Variants in BMP6 observed in about 807,000 individuals in gnomAD.
BMP6 encodes the protein bone morphogenetic protein 6.
BMP6 carries 17 observed loss-of-function variants against 54.1 expected under a neutral mutation model. That is an observed-to-expected ratio of 0.31 (90% CI 0.22 to 0.47). BMP6 has a LOEUF of 0.47. Ranked by LOEUF, BMP6 falls within the 20% of genes least tolerant of loss-of-function variation. BMP6 has a pLI of 1.00. For missense variants in BMP6, 720 were observed against 690.4 expected, an observed-to-expected ratio of 1.04 and a Z score of -0.48; for synonymous variants, 328 against 291.2, an observed-to-expected ratio of 1.13 and a Z score of -1.28.
At chr6:7,733,539 C>T in intron 1 of BMP6, among the ~76,000 whole-genome samples, 1 of 152,202 alleles carries the variant, frequency 6.6e-6, no homozygotes, top group Non-Finnish European at 1.5e-5. Flanking sequence ...ATAACCCAGC[C>T]ATGTGCCCAG....
chr6:7,860,902 AT>A (rs1021962562), intron 2 of BMP6, among the ~76,000 whole-genome samples: 1 of 152,132 alleles, frequency 6.6e-6, no homozygotes, highest in Non-Finnish European at 1.5e-5. Context: ...ATGGATCCTG[AT>A]TTTTATCTTT....
intron 1 of BMP6, among the ~76,000 whole-genome samples, chr6:7,746,715 C>A (rs747298945): frequency 2.6e-5 from 4 of 152,192 alleles, no homozygotes; most frequent in African/African-American, 9.7e-5. Context: ...TTCCTCCTTA[C>A]AATTAAAAAC....
At chr6:7,867,838 C>T (rs114760523) in intron 4 of BMP6, among the ~76,000 whole-genome samples, 158 of 152,300 alleles carry the variant, frequency 1.0e-3, no homozygotes, top group Non-Finnish European at 1.1e-3. Flanking sequence ...AACTCTTGTT[C>T]GAGGATAATG....
At chr6:7,857,500 C>T (rs115177717) in intron 2 of BMP6, among the ~76,000 whole-genome samples, 4 of 152,190 alleles carry the variant, frequency 2.6e-5, no homozygotes, top group Non-Finnish European at 4.4e-5. Flanking sequence ...GGTTTGCCAC[C>T]TTGAGAGTAT....
At chr6:7,843,278 AAAG>A (rs1235140409) in intron 1 of BMP6, among the ~76,000 whole-genome samples, 1 of 150,612 alleles carries the variant, frequency 6.6e-6, no homozygotes, top group Non-Finnish European at 1.5e-5. Flanking sequence ...TAAAAAAAAA[AAAG>A]AACTCGAATC....
At chr6:7,843,400 A>C (rs2113252440) in intron 1 of BMP6, among the ~76,000 whole-genome samples, 1 of 151,014 alleles carries the variant, frequency 6.6e-6, no homozygotes, top group South Asian at 2.1e-4. Flanking sequence ...GAGGACTTAG[A>C]TTCTTCTGGG....
At chr6:7,827,300 C>T (rs182575832) in intron 1 of BMP6, among the ~76,000 whole-genome samples, 20 of 152,268 alleles carry the variant, frequency 1.3e-4, no homozygotes, top group African/African-American at 2.9e-4. Context: ...GGACTGAATC[C>T]GGAGGCAAAT....
In BMP6 at chr6:7,764,066, G is replaced by T. The variant is rs911186804; in HGVS notation, c.664+36447G>T. Among the ~76,000 whole-genome samples, 31 of 152,226 alleles carry T rather than the reference G, an allele frequency of 2.0e-4. 1 individual carries two copies. Among genetic ancestry groups the T allele is most frequent in the African/African-American group, 7.2e-4 (30 of 41,460 alleles). ...ATGCCCTGCCAGTGAGAGCGCAGCA[G>T]GGGAGAGTTGTTCCAGGGCTTGGGA... On this transcript the variant is annotated intron_variant, in intron 1 of 6. Transcript: ENST00000283147.
chr6:7,814,214 C>T (rs1028868884), intron 1 of BMP6, among the ~76,000 whole-genome samples: 1 of 152,220 alleles, frequency 6.6e-6, no homozygotes, highest in Admixed American at 6.5e-5. Flanking sequence ...GGCAATCTCC[C>T]TTCTGATTGT....
intron 1 of BMP6, among the ~76,000 whole-genome samples, chr6:7,738,369 A>C (rs1269816724): frequency 6.6e-6 from 1 of 152,122 alleles, no homozygotes; most frequent in Non-Finnish European, 1.5e-5. Flanking sequence ...CTGCGTTTCC[A>C]GCTGCTCTGC....
Position 7,727,311 on chromosome 6 carries a change from T to TGCC in BMP6, c.357_359dup (p.Pro120dup), listed in dbSNP as rs1173720879. 6.2e-7 allele frequency: 1 copy of TGCC among 1,604,034 alleles called. No individual in the cohort carries two copies. The highest frequency in any genetic ancestry group is 1.3e-5 in the African/African-American group (1 of 74,368). ...GAGGAGCAGCAGCAGCAGCAGCAGC[T>TGCC]GCCTCGCGGAGAGCCCCCTCCCGGG... On this transcript the variant is annotated inframe_insertion, in exon 1 of 7. Coordinates refer to ENST00000283147, the MANE Select transcript of BMP6 (RefSeq NM_001718.6).
chr6:7,853,453 G>A (rs1357725306), intron 2 of BMP6, among the ~76,000 whole-genome samples: 1 of 152,132 alleles, frequency 6.6e-6, no homozygotes, highest in East Asian at 1.9e-4. Flanking sequence ...CATTACCTAT[G>A]GACTGATTGC....
At chr6:7,751,135 G>A (rs1054900256) in intron 1 of BMP6, among the ~76,000 whole-genome samples, 26 of 152,156 alleles carry the variant, frequency 1.7e-4, no homozygotes, top group African/African-American at 6.3e-4. Flanking sequence ...ATATTTAGGT[G>A]GAAGCCAACA....
chr6:7,825,181 A>G (rs1427889486), intron 1 of BMP6, among the ~76,000 whole-genome samples: 1 of 151,712 alleles, frequency 6.6e-6, no homozygotes, highest in Non-Finnish European at 1.5e-5. Flanking sequence ...CTAGCTGGGT[A>G]TGGTGGCACA....
chr6:7,879,288 T>TC, intron 5 of BMP6, 138 bp downstream of exon 5: 2 of 880,404 alleles, frequency 2.3e-6, no homozygotes, highest in Non-Finnish European at 1.8e-6. Context: ...TGAGGAGCCC[T>TC]CCCAAATGCT....
At chr6:7,767,058 T>C (rs995463738) in intron 1 of BMP6, among the ~76,000 whole-genome samples, 4 of 151,402 alleles carry the variant, frequency 2.6e-5, no homozygotes, top group African/African-American at 4.9e-5. Flanking sequence ...GCGATCTCGG[T>C]GCACTGCAAG....
Position 7,861,560 on chromosome 6 carries a change from C to T in BMP6, c.967C>T (p.His323Tyr). The change falls in exon 3 of 7, where the codon CAT (histidine) becomes TAT (tyrosine). Residue 323 changes from histidine to tyrosine, a missense_variant. Physicochemically the swap from His to Tyr is moderately conservative, Grantham distance 83 (BLOSUM62 2). This residue lies in a region of BMP6 where 650 missense variants were observed against 556.3 expected (regional missense o/e 1.17). Transcript: ENST00000283147. The stretch of plus-strand genomic sequence containing the variant: ...CAATCTGTGGGTTGTGACTCCACAG[C>T]ATAACATGGGGCTTCAGCTGAGCGT... ...TSNLWVVTPQ[H>Y]NMGLQLSVVT... 2.5e-6 allele frequency: 4 copies of T among 1,614,198 alleles called. No individual in the cohort carries two copies. Among genetic ancestry groups the T allele is most frequent in the Non-Finnish European group, 3.4e-6 (4 of 1,180,042 alleles).
intron 4 of BMP6, among the ~76,000 whole-genome samples, chr6:7,869,071 AC>A (rs879461089): frequency 5.1e-4 from 77 of 151,544 alleles, no homozygotes; most frequent in Non-Finnish European, 9.9e-4. Context: ...ACTCAGGCGC[AC>A]CCCCCCTGGG....
intron 4 of BMP6, among the ~76,000 whole-genome samples, chr6:7,866,963 C>T (rs926285097): frequency 3.3e-5 from 5 of 152,128 alleles, no homozygotes; most frequent in African/African-American, 7.2e-5. Flanking sequence ...CTCCTCCTCC[C>T]GGGTTCAAGC....
Sources: gnomAD v4.1 joint callset for allele counts (sites outside exome capture counted in the v4.1 genomes callset) on GRCh38, gnomAD v4.1.1 for gene constraint, gnomAD v4.1.1 regional missense constraint, MANE v1.5 for transcripts, NCBI Gene and HGNC (gene_info 2026-07-23, HGNC 2026-07-21) for gene names.